The following SP140 variants were observed in gnomAD, a reference collection of about 807,000 sequenced individuals.
The protein encoded by SP140 is SP140 nuclear body protein, also known as nuclear body protein SP140.
In SP140, 81 loss-of-function variants were observed where a neutral mutation model predicts 125.0. The ratio of observed to expected loss-of-function variants is 0.65; its 90% CI spans 0.54 to 0.78. The LOEUF (loss-of-function observed/expected upper bound fraction) is 0.78, where lower values mean the gene tolerates loss of function less well. SP140 is among the 30% of genes least tolerant of loss of function. The pLI, the probability that SP140 is intolerant of heterozygous loss-of-function variation, is 0.00. For missense variants in SP140, 858 were observed against 1,037.0 expected, an observed-to-expected ratio of 0.83 and a Z score of 2.37; for synonymous variants, 312 against 354.0, an observed-to-expected ratio of 0.88 and a Z score of 1.33.
rs768333335 is a variant in SP140, at chr2:230,310,050, T to C, written c.2174+11T>C. 1.2e-6 allele frequency: 2 copies of C among 1,612,828 alleles called. No homozygotes were observed. Among genetic ancestry groups the C allele is most frequent in the East Asian group, 2.2e-5 (1 of 44,874 alleles). On this transcript the variant is annotated intron_variant, in intron 23 of 26. Coordinates refer to ENST00000392045, the MANE Select transcript of SP140 (RefSeq NM_007237.5). Reference sequence around the variant, plus strand: ...TGTGGAAGCTGAGAGGTAAGTGACATGCAGGCGTCTCTCTTTTTGTCCTTT... The same window carrying C: ...TGTGGAAGCTGAGAGGTAAGTGACACGCAGGCGTCTCTCTTTTTGTCCTTT...
chr2:230,247,956 C>G lies in SP140; in HGVS notation c.783C>G (p.Tyr261Ter). The G allele has an allele frequency of 6.2e-7, 1 of 1,613,746 alleles. No individual in the cohort carries two copies. The highest frequency in any genetic ancestry group is 8.5e-7 in the Non-Finnish European group (1 of 1,179,830). ...GGATGATAGATGCGGCAAGGACATACAGCACAGCACCAGGGGAGAAACAGG... is the reference window on the plus strand; with the variant it reads ...GGATGATAGATGCGGCAAGGACATAGAGCACAGCACCAGGGGAGAAACAGG... ...SNGMIDAART[Y>*]STAPGEKQGE... Residue 261 changes from tyrosine (Y) to a stop codon, truncating the protein, a stop_gained, in exon 8 of 27, where the codon TAC (tyrosine) becomes TAG (stop). Transcript: ENST00000392045. LOFTEE classifies it high-confidence loss of function.
chr2:230,316,552 A>G (rs1238005613), downstream of SP140, among the ~76,000 whole-genome samples: 1 of 152,230 alleles, frequency 6.6e-6, no homozygotes, highest in African/African-American at 2.4e-5. Flanking sequence ...TGTCACATCA[A>G]TAAATACAGC....
chr2:230,190,703 G>A, the SP140 span, among the ~76,000 whole-genome samples: 1 of 152,138 alleles, frequency 6.6e-6, no homozygotes, highest in Non-Finnish European at 1.5e-5. Context: ...TTACATTTAA[G>A]TCTTTAATCC....
chr2:230,214,860 A>C (rs1204599210), intron 3 of SP140: 1 of 1,055,200 alleles, frequency 9.5e-7, no homozygotes, highest in Non-Finnish European at 1.5e-6. Flanking sequence ...GCGGGGGATT[A>C]ACGTGCATAT....
chr2:230,269,519 TG>T lies in SP140; in HGVS notation c.1241-12del, dbSNP rs769799357. On this transcript the variant is annotated splice_polypyrimidine_tract_variant and intron_variant, in intron 12 of 26. Transcript: ENST00000392045. Reference sequence around the variant, plus strand: ...CAGGATCCTTGGACAATAATTTTCTTGTTTCTCATTAGTGTCTAGTGAACTA... The same window carrying T: ...CAGGATCCTTGGACAATAATTTTCTTTTTCTCATTAGTGTCTAGTGAACTA... 4 of 1,529,572 alleles carry T rather than the reference TG, an allele frequency of 2.6e-6. No individual in the cohort carries two copies. In the South Asian group the frequency reaches 4.5e-5, roughly 17 times the overall value. 94.8% of individuals were successfully genotyped at this position (1,529,572 alleles called of 1,614,324 possible). A position where few individuals can be genotyped will look rare whatever the true frequency, so the allele number is the denominator to read the frequency against.
chr2:230,227,889 T>C (rs999225509), intron 1 of SP140, among the ~76,000 whole-genome samples: 1 of 152,180 alleles, frequency 6.6e-6, no homozygotes, highest in African/African-American at 2.4e-5. Context: ...GTTTCTCGAA[T>C]GTTTTCCTGT....
In SP140 at chr2:230,310,649, A is replaced by T. The variant is rs2059257742; in HGVS notation, c.2175-94A>T. ...TCCCCTCCCTCCCATGACTGAGCCC[A>T]TCAGCCATTCCTGAAGGAAGACAGT... On this transcript the variant is annotated intron_variant, in intron 23 of 26. Coordinates refer to ENST00000392045, the MANE Select transcript of SP140 (RefSeq NM_007237.5). 17 of 1,537,268 alleles carry T rather than the reference A, an allele frequency of 1.1e-5. No individual in the cohort carries two copies. In the South Asian group the frequency reaches 1.9e-4, roughly 17 times the overall value.
At chr2:230,293,477 C>T (rs756916887) in intron 20 of SP140, among the ~76,000 whole-genome samples, 54 of 152,156 alleles carry the variant, frequency 3.5e-4, no homozygotes, top group African/African-American at 9.2e-4. Flanking sequence ...GCTGGAACTA[C>T]GGTTGTGCAC....
chr2:230,257,495 A>G (rs55657711), intron 12 of SP140, among the ~76,000 whole-genome samples: 39,156 of 152,130 alleles, frequency 0.26, 5,234 homozygotes, highest in Middle Eastern at 0.36. Context: ...GGCTGGGTGC[A>G]GTGGGTCACC....
intron 1 of SP140, chr2:230,207,962 T>C (rs1400296472): frequency 8.5e-7 from 1 of 1,177,312 alleles, no homozygotes; most frequent in Non-Finnish European, 1.3e-6. Context: ...GTTTCCAGCC[T>C]CCAGCTTCCT....
intron 15 of SP140, among the ~76,000 whole-genome samples, chr2:230,276,878 G>C (rs1023476986): frequency 1.3e-5 from 2 of 152,188 alleles, no homozygotes; most frequent in African/African-American, 4.8e-5. Context: ...AGAAGTAATT[G>C]CAAGTGTGGC....
chr2:230,213,105 C>A lies in SP140; in HGVS notation c.-322-549C>A, dbSNP rs1004154790. The A allele has an allele frequency of 1.1e-5, 15 of 1,411,414 alleles. No individual in the cohort carries two copies. The Admixed American group carries it at 2.0e-4, about 19-fold the overall frequency. 87.4% of individuals were successfully genotyped at this position (1,411,414 alleles called of 1,614,324 possible). A position where few individuals can be genotyped will look rare whatever the true frequency, so the allele number is the denominator to read the frequency against. On this transcript the variant is annotated intron_variant, in intron 1 of 4. Transcript: ENST00000456542. ...GGGGAAGGGGATTTCTTAATACATGCCTTCCAATAGGATGGGGGCATGGAG... is the reference window on the plus strand; with the variant it reads ...GGGGAAGGGGATTTCTTAATACATGACTTCCAATAGGATGGGGGCATGGAG...
At position 230,211,363 on chromosome 2, in the gene SP140, G is replaced by A; in HGVS notation, c.-322-2291G>A. On this transcript the variant is annotated intron_variant, in intron 1 of 4. Transcript: ENST00000456542. This position sits in a 1 kb window ranked among gnomAD's most constrained non-coding sequence, Gnocchi z 4.2. ...GTGAACTGGAAGCTGGGCCAAGATT[G>A]CTGAGAGGCAGGAGGAGAGCCCCCT... 1.3e-6 allele frequency: 1 copy of A among 788,696 alleles called. No individual in the cohort carries two copies. Among genetic ancestry groups the A allele is most frequent in the African/African-American group, 1.7e-5 (1 of 59,502 alleles). 48.9% of individuals were successfully genotyped at this position (788,696 alleles called of 1,614,324 possible).
rs779266848 is a variant in SP140 at position 230,297,470 on chromosome 2, C to A, written c.2058+8C>A. On this transcript the variant is annotated splice_region_variant and intron_variant, in intron 22 of 26. Transcript: ENST00000392045. The stretch of plus-strand genomic sequence containing the variant: ...AGCTCAGTTGACCCTTGTGTAAGTA[C>A]AAATTCTGAACTACGACCCCCAGAA... The A allele has an allele frequency of 1.9e-6, 3 of 1,613,720 alleles. No homozygotes were observed. Among genetic ancestry groups the A allele is most frequent in the Non-Finnish European group, 2.5e-6 (3 of 1,179,622 alleles).
At chr2:230,230,304 T>A (rs1447255197) in intron 1 of SP140, 1 of 152,206 alleles carries the variant, frequency 6.6e-6, no homozygotes, top group Non-Finnish European at 1.5e-5. Context: ...TCACAGGACC[T>A]GGTTACCAAT....
At chr2:230,247,882 A>T (rs771863649) in intron 7 of SP140, 34 bp from the exon 8 acceptor site, 1 of 1,602,254 alleles carries the variant, frequency 6.2e-7, no homozygotes, top group Non-Finnish European at 8.5e-7. Context: ...TGGAAATTAC[A>T]TACACTCTCA....
At chr2:230,225,481 G>C, upstream of SP140, 1 of 346,192 alleles carries the variant, frequency 2.9e-6, no homozygotes, top group Non-Finnish European at 5.6e-6. Flanking sequence ...AGCCACCTCA[G>C]CAAGGGGTGG....
At chr2:230,298,357 C>T (rs1296449636) in intron 22 of SP140, among the ~76,000 whole-genome samples, 1 of 152,190 alleles carries the variant, frequency 6.6e-6, no homozygotes, top group Non-Finnish European at 1.5e-5. Context: ...ACACATGATA[C>T]TTAACAGAGG....
chr2:230,244,811 G>A (rs2049190271), intron 5 of SP140, among the ~76,000 whole-genome samples, 177 bp from the exon 6 acceptor site: 2 of 151,940 alleles, frequency 1.3e-5, no homozygotes, highest in South Asian at 4.2e-4. Context: ...AAAGGAGGTA[G>A]CAGAGAGATG....
Sources: gnomAD v4.1 joint callset for allele counts (sites outside exome capture counted in the v4.1 genomes callset) on GRCh38, gnomAD v4.1.1 for gene constraint, Gnocchi (gnomAD v3.1) non-coding constraint, MANE v1.5 for transcripts, NCBI Gene and HGNC (gene_info 2026-07-23, HGNC 2026-07-21) for gene names.